The following DLGAP2 variants were observed in gnomAD, a reference collection of about 807,000 sequenced individuals.
DLGAP2 encodes DLG associated protein 2, also known as disks large-associated protein 2.
Under a neutral mutation model 100.3 loss-of-function variants are expected in DLGAP2, and 26 were observed. That is an observed-to-expected ratio of 0.26 (90% confidence interval 0.19 to 0.36). The LOEUF (loss-of-function observed/expected upper bound fraction) is 0.36, where lower values mean the gene tolerates loss of function less well. Ranked by LOEUF, DLGAP2 falls within the 10% of genes least tolerant of loss-of-function variation. The pLI, the probability that DLGAP2 is intolerant of heterozygous loss-of-function variation, is 1.00. For missense variants in DLGAP2, 1,858 were observed against 1,453.2 expected (o/e 1.28, Z -4.53); for synonymous variants, 886 against 630.1 (o/e 1.41, Z -6.08).
intron 2 of DLGAP2, among the ~76,000 whole-genome samples, chr8:1,080,398 G>A (rs2129039311): frequency 6.6e-6 from 1 of 152,334 alleles, no homozygotes; most frequent in East Asian, 1.9e-4. Flanking sequence ...GCGTTACGAA[G>A]GGATGCTCCT....
At chr8:1,211,862 G>T (rs756190454) in intron 2 of DLGAP2, among the ~76,000 whole-genome samples, 11 of 152,316 alleles carry the variant, frequency 7.2e-5, no homozygotes, top group Middle Eastern at 3.4e-3. Context: ...ATGACAGAGC[G>T]AGACTTCGTC....
chr8:1,590,804 C>G (rs58791646), intron 6 of DLGAP2, among the ~76,000 whole-genome samples: 15,545 of 152,198 alleles, frequency 0.1, 1,280 homozygotes, highest in African/African-American at 0.23. Flanking sequence ...CGGAGGCTCC[C>G]TCTGGTCCAG....
intron 3 of DLGAP2, among the ~76,000 whole-genome samples, chr8:1,314,429 C>T (rs1340349498): frequency 1.3e-5 from 2 of 152,170 alleles, no homozygotes; most frequent in South Asian, 2.1e-4. Flanking sequence ...TTTTAAAACT[C>T]CATTAAATTA....
At chr8:1,415,638 G>C (rs1387125595) in intron 3 of DLGAP2, among the ~76,000 whole-genome samples, 1 of 152,216 alleles carries the variant, frequency 6.6e-6, no homozygotes, top group Admixed American at 6.5e-5. Flanking sequence ...CAGAGGACGT[G>C]ATTCCATTCT....
chr8:791,706 C>G (rs1006668852), intron 1 of DLGAP2, among the ~76,000 whole-genome samples: 1 of 152,228 alleles, frequency 6.6e-6, no homozygotes, highest in African/African-American at 2.4e-5. Context: ...CTTTAAAAAA[C>G]TTTTTTATTT....
chr8:924,915 G>A (rs1403752826), intron 2 of DLGAP2, among the ~76,000 whole-genome samples: 1 of 152,136 alleles, frequency 6.6e-6, no homozygotes, highest in Admixed American at 6.5e-5. Flanking sequence ...AAATCCAGAC[G>A]TTGTGAAGGC....
At chr8:1,197,660 CATCT>C (rs1290636211) in intron 2 of DLGAP2, among the ~76,000 whole-genome samples, 1 of 65,954 alleles carries the variant, frequency 1.5e-5, no homozygotes, top group Admixed American at 1.5e-4. Flanking sequence ...CAATGTGGAG[CATCT>C]GGGCCACCAG....
intron 2 of DLGAP2, among the ~76,000 whole-genome samples, chr8:1,189,070 G>A (rs1294216923): frequency 6.7e-6 from 1 of 148,784 alleles, no homozygotes; most frequent in Admixed American, 6.6e-5. Context: ...CACAGGGTTC[G>A]GGCCCCAGGC....
rs925792834 is a variant in DLGAP2, at chr8:1,164,736, G to A, written c.74-94115G>A. Among the ~76,000 whole-genome samples the A allele has an allele frequency of 2.0e-4, 30 of 152,204 alleles. 1 individual carries two copies. The highest frequency in any genetic ancestry group is 8.3e-4 in the South Asian group (4 of 4,798). ...TTGTCTTTCTGACTCCTCCAGGCCC[G>A]AAACAAATGTCTGAGGTCTATGTGA... is the stretch of plus-strand genomic sequence containing the variant. On this transcript the variant is annotated intron_variant, in intron 2 of 14. Coordinates refer to ENST00000637795, the MANE Select transcript of DLGAP2 (RefSeq NM_001346810.2).
chr8:1,699,234 G>C (rs950085813), intron 14 of DLGAP2, among the ~76,000 whole-genome samples: 2 of 152,194 alleles, frequency 1.3e-5, no homozygotes, highest in African/African-American at 2.4e-5. Context: ...GTCTTTGGGA[G>C]GCCAAGGTGG....
chr8:987,628 C>G (rs915733847), intron 2 of DLGAP2, among the ~76,000 whole-genome samples: 2 of 152,188 alleles, frequency 1.3e-5, no homozygotes, highest in Non-Finnish European at 1.5e-5. Flanking sequence ...TCTTTAGCTT[C>G]CTGGTCTTAC....
At position 1,204,425 on chromosome 8, in the gene DLGAP2, C is replaced by T. The variant is rs191163817; in HGVS notation, c.74-54426C>T. Among the ~76,000 whole-genome samples, 384 of 152,358 alleles carry T rather than the reference C, an allele frequency of 2.5e-3. 1 individual carries two copies. Among genetic ancestry groups the T allele is most frequent in the African/African-American group, 8.6e-3 (358 of 41,590 alleles). On this transcript the variant is annotated intron_variant, in intron 2 of 14. Coordinates refer to ENST00000637795, the MANE Select transcript of DLGAP2 (RefSeq NM_001346810.2). The stretch of plus-strand genomic sequence containing the variant: ...CACAGGTGTGAGTGACGGTGGACCC[C>T]GGCTGGAAGCCAGGCTGACCGTGTA...
chr8:818,336 G>C (rs1372040804), intron 1 of DLGAP2, among the ~76,000 whole-genome samples: 1 of 152,152 alleles, frequency 6.6e-6, no homozygotes, highest in African/African-American at 2.4e-5. Flanking sequence ...TGTCCTAAAG[G>C]TTGGTCTAAC....
intron 1 of DLGAP2, among the ~76,000 whole-genome samples, chr8:857,766 G>C (rs1304219937): frequency 6.6e-6 from 1 of 152,298 alleles, no homozygotes; most frequent in East Asian, 1.9e-4. Context: ...AGACCGCTAG[G>C]TGGTTCCTTA....
chr8:1,414,956 C>A (rs183131529), intron 3 of DLGAP2, among the ~76,000 whole-genome samples: 176 of 152,174 alleles, frequency 1.2e-3, no homozygotes, highest in African/African-American at 3.5e-3. Flanking sequence ...TTTCAGTGAG[C>A]TGAGGTCATG....
intron 2 of DLGAP2, among the ~76,000 whole-genome samples, chr8:1,227,176 T>TATATATATA (rs1563265057): frequency 1.7e-5 from 1 of 58,928 alleles, no homozygotes; most frequent in Non-Finnish European, 3.1e-5. Flanking sequence ...ATATATATAG[T>TATATATATA]ATAGATATAT....
At chr8:1,439,060 G>A (rs1349804146) in intron 3 of DLGAP2, among the ~76,000 whole-genome samples, 1 of 152,198 alleles carries the variant, frequency 6.6e-6, no homozygotes, top group African/African-American at 2.4e-5. Flanking sequence ...AGTCAGACGA[G>A]TGTAAATGGG....
At chr8:1,268,744 T>C (rs1433779360) in intron 3 of DLGAP2, among the ~76,000 whole-genome samples, 3 of 152,254 alleles carry the variant, frequency 2.0e-5, no homozygotes, top group African/African-American at 7.2e-5. Flanking sequence ...CTTGTTTCTT[T>C]AAAAATTTAA....
intron 6 of DLGAP2, among the ~76,000 whole-genome samples, chr8:1,617,077 T>C (rs976484779): frequency 6.6e-6 from 1 of 152,238 alleles, no homozygotes; most frequent in Non-Finnish European, 1.5e-5. Context: ...TTCTTTTTTA[T>C]GGCTGCATAG....
Sources: allele counts gnomAD v4.1 joint callset (sites outside exome capture counted in the v4.1 genomes callset), GRCh38; gene constraint gnomAD v4.1.1; transcripts MANE v1.5; gene names NCBI Gene and HGNC (gene_info 2026-07-23, HGNC 2026-07-21).